Variants in BMPR1A observed in about 807,000 individuals in gnomAD.
BMPR1A encodes bone morphogenetic protein receptor type 1A, also known as bone morphogenetic protein receptor type-1A.
In BMPR1A, 7 loss-of-function variants were observed where a neutral mutation model predicts 66.0. That is an observed-to-expected ratio of 0.11 (90% CI 0.06 to 0.20). The LOEUF is 0.20. Ranked by LOEUF, BMPR1A falls within the 10% of genes least tolerant of loss-of-function variation. BMPR1A has a pLI of 1.00. For synonymous variants in BMPR1A, 200 were observed against 229.7 expected, an observed-to-expected ratio of 0.87 and a Z score of 1.17; for missense variants, 408 against 669.1, an observed-to-expected ratio of 0.61 and a Z score of 4.31.
At chr10:86,775,778 C>A (rs1295864622) in intron 1 of BMPR1A, among the ~76,000 whole-genome samples, 1 of 152,086 alleles carries the variant, frequency 6.6e-6, no homozygotes, top group Non-Finnish European at 1.5e-5. Flanking sequence ...CCTTGGTAAC[C>A]AGTGTTGTTA....
At chr10:86,775,869 T>C (rs915646686) in intron 1 of BMPR1A, among the ~76,000 whole-genome samples, 2 of 152,228 alleles carry the variant, frequency 1.3e-5, no homozygotes, top group African/African-American at 4.8e-5. Flanking sequence ...GATGGCATCA[T>C]GCATTGTGCA....
chr10:86,876,628 C>A (rs905413035), intron 3 of BMPR1A, among the ~76,000 whole-genome samples: 4 of 151,854 alleles, frequency 2.6e-5, no homozygotes, highest in African/African-American at 9.7e-5. Flanking sequence ...CCAAAAAATA[C>A]AAAAATTAGC....
chr10:86,866,403 T>TTTTTTTTC lies in BMPR1A; in HGVS notation c.-152-9457_-152-9456insCTTTTTTT, dbSNP rs1266568614. Among the ~76,000 whole-genome samples, 94 of 87,516 alleles carry TTTTTTTTC rather than the reference T, an allele frequency of 1.1e-3. 10 individuals carry two copies. In the East Asian group the frequency reaches 0.023, roughly 22 times the overall value. The allele number at this position is 87,516 out of a possible 152,430, so 57.4% of individuals were successfully genotyped here. A position where few individuals can be genotyped will look rare whatever the true frequency, so the allele number is the denominator to read the frequency against. On this transcript the variant is annotated intron_variant, in intron 2 of 12. Coordinates refer to ENST00000372037, the MANE Select transcript of BMPR1A (RefSeq NM_004329.3). Reference sequence around the variant, plus strand: ...TTAAGTTGGGCAAGTTTCTTTCTTTTTTTTTTTTTTTTTTTTTTTTTTTGA... The same window carrying TTTTTTTTC: ...TTAAGTTGGGCAAGTTTCTTTCTTTTTTTTTTTCTTTTTTTTTTTTTTTTTTTTTTTGA...
chr10:86,766,536 C>T (rs1417325792), intron 1 of BMPR1A, among the ~76,000 whole-genome samples: 1 of 151,888 alleles, frequency 6.6e-6, no homozygotes, highest in Non-Finnish European at 1.5e-5. Flanking sequence ...GCCAAGCCAC[C>T]CTGCAAAATC....
chr10:86,792,002 A>G (rs1564686469), intron 1 of BMPR1A, among the ~76,000 whole-genome samples: 1 of 146,948 alleles, frequency 6.8e-6, no homozygotes. Context: ...TATAGGCGTG[A>G]GCCACTGTTC....
chr10:86,924,336 G>T lies in BMPR1A; in HGVS notation c.*617G>T, dbSNP rs1260643060. 4.2e-6 allele frequency: 1 copy of T among 235,894 alleles called. No individual in the cohort carries two copies. Among genetic ancestry groups the T allele is most frequent in the Non-Finnish European group, 8.4e-6 (1 of 119,486 alleles). The allele number at this position is 235,894 out of a possible 1,614,324, so 14.6% of individuals were successfully genotyped here. On this transcript the variant is annotated 3_prime_UTR_variant, in exon 13 of 13. Transcript: ENST00000372037. ...ATGCACAGGAAGATATTGGTGGCCG[G>T]TGGTTTTGTGCTTTAAAAATGCAAT...
At chr10:86,904,225 A>G (rs1183623384) in intron 7 of BMPR1A, among the ~76,000 whole-genome samples, 4 of 152,250 alleles carry the variant, frequency 2.6e-5, no homozygotes, top group Admixed American at 2.6e-4. Flanking sequence ...AATGAAAACC[A>G]TGAATCCAGA....
At chr10:86,915,363 A>C (rs1372553018) in intron 8 of BMPR1A, among the ~76,000 whole-genome samples, 1 of 152,242 alleles carries the variant, frequency 6.6e-6, no homozygotes, top group Non-Finnish European at 1.5e-5. Flanking sequence ...TTATTAAAAT[A>C]TTCTGTATCT....
In BMPR1A at chr10:86,799,514, T is replaced by TC. The variant is rs1564688865; in HGVS notation, c.-267-39350dup. 9.3e-3 allele frequency among the ~76,000 whole-genome samples: 1,280 copies of TC among 137,256 alleles called. 13 individuals carry two copies. Among genetic ancestry groups the TC allele is most frequent in the Middle Eastern group, 0.018 (5 of 282 alleles). 90.0% of individuals were successfully genotyped at this position (137,256 alleles called of 152,430 possible). Reference sequence around the variant, plus strand: ...CCTTCCTTCCTTCCTTCCTTTCTTTTCTTTTCTTTTCTTTTCTTTCTTTTC... The same window carrying TC: ...CCTTCCTTCCTTCCTTCCTTTCTTTTCCTTTTCTTTTCTTTTCTTTCTTTTC... On this transcript the variant is annotated intron_variant, in intron 1 of 12. Transcript: ENST00000372037.
chr10:86,760,117 C>T (rs947802070), intron 1 of BMPR1A, among the ~76,000 whole-genome samples: 2 of 147,288 alleles, frequency 1.4e-5, no homozygotes, highest in Admixed American at 6.8e-5. Context: ...CTTACCACTT[C>T]GCCACTCAGA....
intron 1 of BMPR1A, among the ~76,000 whole-genome samples, chr10:86,760,668 T>G (rs772452585): frequency 2.6e-5 from 4 of 151,884 alleles, no homozygotes; most frequent in Non-Finnish European, 5.9e-5. Context: ...GCTGTTGAAC[T>G]GTCCTGATCT....
At chr10:86,760,669 G>C (rs1205957012) in intron 1 of BMPR1A, among the ~76,000 whole-genome samples, 1 of 151,736 alleles carries the variant, frequency 6.6e-6, no homozygotes, top group Non-Finnish European at 1.5e-5. Context: ...CTGTTGAACT[G>C]TCCTGATCTG....
chr10:86,892,192 G>T lies in BMPR1A; in HGVS notation c.296G>T (p.Gly99Val). ...CAGGGAGAAACCACATTAGCTTCAG[G>T]GTGTATGAAATATGAAGGATCTGAT... Reference protein sequence around the residue: ...DDQGETTLASGCMKYEGSDFQ... With the variant: ...DDQGETTLASVCMKYEGSDFQ... Residue 99 changes from glycine (G) to valine (V), a missense_variant, in exon 5 of 13, where the codon GGG (glycine) becomes GTG (valine). By Grantham distance (109) the Gly-to-Val change is moderately radical (BLOSUM62 -3). Around this residue, in one of 5 missense-constraint regions of BMPR1A, gnomAD observed 13 missense variants for 46.5 expected, o/e 0.28. Transcript: ENST00000372037. 1 of 1,613,818 alleles carries T rather than the reference G, an allele frequency of 6.2e-7. No homozygotes were observed. Among genetic ancestry groups the T allele is most frequent in the South Asian group, 1.1e-5 (1 of 91,080 alleles).
intron 1 of BMPR1A, among the ~76,000 whole-genome samples, chr10:86,757,360 C>A (rs572299826): frequency 6.6e-6 from 1 of 152,190 alleles, no homozygotes; most frequent in Non-Finnish European, 1.5e-5. Flanking sequence ...GCAGCCGGCC[C>A]GCCCCCGAGT....
chr10:86,927,449 G>A lies in BMPR1A; in HGVS notation c.*3730G>A, dbSNP rs1459818454. The A allele has an allele frequency of 5.0e-6, 1 of 199,836 alleles. No homozygotes were observed. The highest frequency in any genetic ancestry group is 1.0e-5 in the Non-Finnish European group (1 of 96,876). 12.4% of individuals were successfully genotyped at this position (199,836 alleles called of 1,614,324 possible). ...ATAGCAGTGCCACAGCTCGTCTCTT[G>A]CCTTAGTGTGCTGCTGTGAGAGTCA... On this transcript the variant is annotated 3_prime_UTR_variant, in exon 13 of 13. Transcript: ENST00000372037.
chr10:86,780,802 G>A (rs1181251036), intron 1 of BMPR1A, among the ~76,000 whole-genome samples: 1 of 152,104 alleles, frequency 6.6e-6, no homozygotes, highest in African/African-American at 2.4e-5. Context: ...AAAGTCAAAG[G>A]CAGTACTGTC....
chr10:86,790,601 A>G (rs1841601231), intron 1 of BMPR1A, among the ~76,000 whole-genome samples: 1 of 152,192 alleles, frequency 6.6e-6, no homozygotes, highest in Admixed American at 6.5e-5. Context: ...ATGGAATATT[A>G]CTCACCCATG....
chr10:86,918,820 G>A (rs1468091083), intron 9 of BMPR1A, among the ~76,000 whole-genome samples: 6 of 151,752 alleles, frequency 4.0e-5, no homozygotes, highest in South Asian at 4.2e-4. Context: ...ACGGGGTTTC[G>A]CCCTGTTGGC....
intron 7 of BMPR1A, among the ~76,000 whole-genome samples, chr10:86,908,732 G>A (rs945850881): frequency 3.9e-5 from 6 of 152,164 alleles, no homozygotes; most frequent in African/African-American, 1.4e-4. Context: ...AGTGAGGGGG[G>A]CGTGCCTGTT....
Sources: gnomAD v4.1 joint callset for allele counts (sites outside exome capture counted in the v4.1 genomes callset) on GRCh38, gnomAD v4.1.1 for gene constraint, gnomAD v4.1.1 regional missense constraint, MANE v1.5 for transcripts, NCBI Gene and HGNC (gene_info 2026-07-23, HGNC 2026-07-21) for gene names.